Variants in CFAP96 observed in about 807,000 individuals in gnomAD.
The protein encoded by CFAP96 is cilia and flagella associated protein 96.
chr4:185,415,780 G>A, the CFAP96 span: 14 of 1,613,670 alleles, frequency 8.7e-6, no homozygotes, highest in South Asian at 1.4e-4. Flanking sequence ...ACATAATGGT[G>A]TCCTCCGCTT....
chr4:185,437,381 CA>C, the CFAP96 span, among the ~76,000 whole-genome samples: 1 of 152,160 alleles, frequency 6.6e-6, no homozygotes, highest in Admixed American at 6.5e-5. Context: ...TTCACAATAT[CA>C]GCATAACATA....
At chr4:185,442,248 A>G in the CFAP96 span, among the ~76,000 whole-genome samples, 1 of 152,108 alleles carries the variant, frequency 6.6e-6, no homozygotes, top group African/African-American at 2.4e-5. Context: ...AAGAACTTTG[A>G]TATTTTGTTA....
chr4:185,413,571 T>C, the CFAP96 span, among the ~76,000 whole-genome samples: 11,121 of 152,262 alleles, frequency 0.073, 651 homozygotes, highest in African/African-American at 0.15. Flanking sequence ...TTTTAATTAC[T>C]GCTATCTTAA....
the CFAP96 span, among the ~76,000 whole-genome samples, chr4:185,419,382 G>A: frequency 6.7e-3 from 1,021 of 152,174 alleles, 15 homozygotes; most frequent in African/African-American, 0.023. Context: ...CACCCGCCTC[G>A]GCCTCCCAAA....
At chr4:185,429,569 AG>A in the CFAP96 span, 1 of 929,330 alleles carries the variant, frequency 1.1e-6, no homozygotes, top group Non-Finnish European at 1.6e-6. Context: ...TATAAAATTT[AG>A]AATTTAATAT....
At chr4:185,416,638 AG>A in the CFAP96 span, among the ~76,000 whole-genome samples, 1 of 152,298 alleles carries the variant, frequency 6.6e-6, no homozygotes, top group East Asian at 1.9e-4. Context: ...AAAGTATAAA[AG>A]TGTGTGCCCA....
chr4:185,414,379 T>G, the CFAP96 span, among the ~76,000 whole-genome samples: 3 of 152,324 alleles, frequency 2.0e-5, no homozygotes, highest in East Asian at 1.9e-4. Context: ...TACACATATA[T>G]GTTTAAAATG....
the CFAP96 span, among the ~76,000 whole-genome samples, chr4:185,436,815 T>C: frequency 6.6e-6 from 1 of 151,980 alleles, no homozygotes; most frequent in Non-Finnish European, 1.5e-5. Context: ...CTCATGTTTA[T>C]GAATTGTGAT....
the CFAP96 span, among the ~76,000 whole-genome samples, chr4:185,417,837 A>C: frequency 6.6e-6 from 1 of 152,126 alleles, no homozygotes; most frequent in African/African-American, 2.4e-5. Context: ...CGAGGTCAGG[A>C]GTTTGAGACC....
chr4:185,431,285 T>C, the CFAP96 span, among the ~76,000 whole-genome samples: 2 of 152,018 alleles, frequency 1.3e-5, no homozygotes, highest in Admixed American at 1.3e-4. Context: ...TTGTGTGCAC[T>C]TCAAAAACTT....
the CFAP96 span, among the ~76,000 whole-genome samples, chr4:185,430,911 TA>T: frequency 6.7e-6 from 1 of 148,220 alleles, no homozygotes; most frequent in Admixed American, 6.8e-5. Context: ...AAAAAAAGTT[TA>T]AAAAACTCAG....
the CFAP96 span, among the ~76,000 whole-genome samples, chr4:185,437,532 A>G: frequency 6.6e-6 from 1 of 152,208 alleles, no homozygotes; most frequent in Non-Finnish European, 1.5e-5. Flanking sequence ...TTTAAATACC[A>G]GTGGAATGTG....
At chr4:185,423,507 AAC>A in the CFAP96 span, among the ~76,000 whole-genome samples, 7 of 152,320 alleles carry the variant, frequency 4.6e-5, no homozygotes, top group East Asian at 1.3e-3. Context: ...AAATCTGAAA[AAC>A]ACACAAAGAT....
At chr4:185,449,413 T>C in the CFAP96 span, among the ~76,000 whole-genome samples, 439 of 152,068 alleles carry the variant, frequency 2.9e-3, 1 homozygote, top group Non-Finnish European at 4.7e-3. Context: ...TTCAGCTACT[T>C]GGGCGGCCGA....
At chr4:185,418,585 A>C in the CFAP96 span, 7 of 1,612,564 alleles carry the variant, frequency 4.3e-6, no homozygotes, top group Non-Finnish European at 5.9e-6. Flanking sequence ...AAACATACTC[A>C]CTGAATAAAG....
At chr4:185,418,975 A>T in the CFAP96 span, among the ~76,000 whole-genome samples, 3 of 152,142 alleles carry the variant, frequency 2.0e-5, no homozygotes, top group African/African-American at 4.8e-5. Context: ...TTTTAAAGCA[A>T]ACAATTTAGG....
chr4:185,448,673 C>G, the CFAP96 span, among the ~76,000 whole-genome samples: 1 of 152,056 alleles, frequency 6.6e-6, no homozygotes, highest in Non-Finnish European at 1.5e-5. Context: ...AACCTTTAAC[C>G]TCTGGCAAGC....
At chr4:185,431,837 C>T in the CFAP96 span, 2 of 666,756 alleles carry the variant, frequency 3.0e-6, no homozygotes, top group Non-Finnish European at 5.1e-6. Flanking sequence ...TCACACAGAG[C>T]TTTCAGGGAA....
At chr4:185,422,615 A>G in the CFAP96 span, 2 of 1,202,764 alleles carry the variant, frequency 1.7e-6, no homozygotes, top group Non-Finnish European at 2.4e-6. Flanking sequence ...AAACAAACTC[A>G]TATTCATATA....
Sources: gnomAD v4.1 joint callset for allele counts (sites outside exome capture counted in the v4.1 genomes callset) on GRCh38, gnomAD v4.1.1 for gene constraint, MANE v1.5 for transcripts, NCBI Gene and HGNC (gene_info 2026-07-23, HGNC 2026-07-21) for gene names.